Variants in ZNF439 observed in about 807,000 individuals in gnomAD.
ZNF439 encodes zinc finger protein 439.
Under a neutral mutation model 47.3 loss-of-function variants are expected in ZNF439, and 40 were observed. The observed-to-expected ratio is 0.85, with a 90% CI of 0.66 to 1.10. The LOEUF (loss-of-function observed/expected upper bound fraction) is 1.10, where lower values mean the gene tolerates loss of function less well. ZNF439 is among the 50% of genes least tolerant of loss of function. ZNF439 has a pLI of 0.00. For synonymous variants in ZNF439, 171 were observed against 198.8 expected, an observed-to-expected ratio of 0.86 and a Z score of 1.18; for missense variants, 556 against 601.1, an observed-to-expected ratio of 0.93 and a Z score of 0.78.
chr19:11,865,990 G>T, intron 1 of ZNF439: 1 of 1,371,644 alleles, frequency 7.3e-7, no homozygotes, highest in East Asian at 2.7e-5. Context: ...ACTCCAGCCT[G>T]GGCAATAAGA....
intron 1 of ZNF439, among the ~76,000 whole-genome samples, chr19:11,864,293 T>C (rs1307909918): frequency 1.3e-5 from 2 of 152,108 alleles, no homozygotes; most frequent in African/African-American, 4.8e-5. Context: ...ATTAGGACAT[T>C]CTTCTCATTT....
At chr19:11,865,347 T>C (rs923217644) in intron 1 of ZNF439, among the ~76,000 whole-genome samples, 2 of 151,584 alleles carry the variant, frequency 1.3e-5, no homozygotes, top group Non-Finnish European at 2.9e-5. Context: ...CTAGCTACAT[T>C]CTGACAGGAT....
At chr19:11,863,450 A>G (rs1976593580) in intron 1 of ZNF439, among the ~76,000 whole-genome samples, 2 of 152,054 alleles carry the variant, frequency 1.3e-5, no homozygotes, top group Non-Finnish European at 2.9e-5. Context: ...ATGAGCCACC[A>G]TGCCCGGCCT....
In ZNF439 at chr19:11,868,244, C is replaced by G; in HGVS notation, c.1190C>G (p.Thr397Ser). ...TGCAAGCAATGTGGTAAAGCCTTCA[C>G]TCGTTCCGGTTCCTTTCGATATCAT... is the stretch of plus-strand genomic sequence containing the variant. ...YKCKQCGKAFTRSGSFRYHER... is the reference protein window; with the variant it reads ...YKCKQCGKAFSRSGSFRYHER... Residue 397 changes from threonine (T) to serine (S), a missense_variant, in exon 4 of 4, where the codon ACT becomes AGT. Transcript: ENST00000682736. 5 of 1,613,122 alleles carry G rather than the reference C, an allele frequency of 3.1e-6. No homozygotes were observed. The highest frequency in any genetic ancestry group is 4.2e-6 in the Non-Finnish European group (5 of 1,179,748).
At chr19:11,856,059 T>C (rs900584196) in intron 1 of ZNF439, 5 of 152,268 alleles carry the variant, frequency 3.3e-5, no homozygotes, top group Non-Finnish European at 5.9e-5. Context: ...CCCATGTCAG[T>C]AAATCCACCG....
intron 1 of ZNF439, among the ~76,000 whole-genome samples, chr19:11,855,794 C>T (rs1199690525): frequency 6.6e-6 from 1 of 152,226 alleles, no homozygotes; most frequent in Non-Finnish European, 1.5e-5. Context: ...CCTGACGCTC[C>T]AGTAGTTTCT....
chr19:11,865,991 G>T, intron 1 of ZNF439: 1 of 1,373,590 alleles, frequency 7.3e-7, no homozygotes, highest in Non-Finnish European at 9.4e-7. Context: ...CTCCAGCCTG[G>T]GCAATAAGAG....
At chr19:11,865,541 G>T (rs551975191) in intron 1 of ZNF439, among the ~76,000 whole-genome samples, 42 of 150,416 alleles carry the variant, frequency 2.8e-4, no homozygotes, top group Non-Finnish European at 5.0e-4. Flanking sequence ...TGTCATCAAA[G>T]ATTACACTTT....
chr19:11,864,643 A>C (rs923815612), intron 1 of ZNF439, among the ~76,000 whole-genome samples: 8 of 152,096 alleles, frequency 5.3e-5, no homozygotes, highest in African/African-American at 1.7e-4. Context: ...AAAACTTAAA[A>C]ATTATCAGCT....
In ZNF439 at chr19:11,866,604, T is replaced by G; in HGVS notation, c.251+7T>G. 6.2e-7 allele frequency: 1 copy of G among 1,612,620 alleles called. No homozygotes were observed. The highest frequency in any genetic ancestry group is 8.5e-7 in the Non-Finnish European group (1 of 1,178,786). ...ACCCCAGGAGAAACTTCAGGTAATT[T>G]GCACTTATAAGAGAAAGCAGTGTCT... On this transcript the variant is annotated splice_region_variant and intron_variant, in intron 3 of 3. Transcript: ENST00000682736.
Position 11,851,953 on chromosome 19 carries a change from C to A in ZNF439, c.63+3023C>A, listed in dbSNP as rs367942050. On this transcript the variant is annotated intron_variant, in intron 1 of 3. Transcript: ENST00000682736. ...GTTAGCCAGTGCACCTGGCTAACAA[C>A]TTAATTTGTTATCGTTTGCTTTTTT... 2.0e-5 allele frequency among the ~76,000 whole-genome samples: 3 copies of A among 152,280 alleles called. No individual in the cohort carries two copies. In the East Asian group the frequency reaches 5.8e-4, roughly 29 times the overall value.
intron 1 of ZNF439, among the ~76,000 whole-genome samples, chr19:11,860,600 C>T (rs536328519): frequency 6.6e-6 from 1 of 152,096 alleles, no homozygotes; most frequent in East Asian, 1.9e-4. Flanking sequence ...GGAGGACGAA[C>T]GCGGGAATAA....
At chr19:11,852,666 T>C (rs1976281523) in intron 1 of ZNF439, among the ~76,000 whole-genome samples, 2 of 151,980 alleles carry the variant, frequency 1.3e-5, no homozygotes, top group South Asian at 4.2e-4. Context: ...CATGCCACCA[T>C]ACTCGGCTAA....
intron 1 of ZNF439, among the ~76,000 whole-genome samples, chr19:11,860,510 C>T (rs887259117): frequency 3.9e-5 from 6 of 152,176 alleles, no homozygotes; most frequent in African/African-American, 1.4e-4. Flanking sequence ...TCCTCTGCTC[C>T]AGCAAGCTTT....
chr19:11,857,822 G>C (rs1370271341), intron 1 of ZNF439: 1 of 152,164 alleles, frequency 6.6e-6, no homozygotes, highest in Non-Finnish European at 1.5e-5. Flanking sequence ...AGTAACAATA[G>C]TGCCTAAGTA....
intron 1 of ZNF439, among the ~76,000 whole-genome samples, chr19:11,862,398 A>G (rs1002631967): frequency 6.6e-6 from 1 of 151,852 alleles, no homozygotes; most frequent in African/African-American, 2.4e-5. Flanking sequence ...CCTGGTAGAT[A>G]CAGTGTGAGA....
chr19:11,856,521 A>G (rs955854522), intron 1 of ZNF439: 1 of 152,246 alleles, frequency 6.6e-6, no homozygotes, highest in African/African-American at 2.4e-5. Flanking sequence ...ATATGAGATT[A>G]AGTGTCTATA....
At chr19:11,859,321 G>T (rs1445908638) in intron 1 of ZNF439, among the ~76,000 whole-genome samples, 1 of 152,286 alleles carries the variant, frequency 6.6e-6, no homozygotes, top group East Asian at 1.9e-4. Flanking sequence ...GCAGCGTCTG[G>T]GAGTGCCATT....
At chr19:11,859,361 A>G (rs1453098038) in intron 1 of ZNF439, among the ~76,000 whole-genome samples, 1 of 152,160 alleles carries the variant, frequency 6.6e-6, no homozygotes, top group East Asian at 1.9e-4. Context: ...AAGGGCCATT[A>G]CCCAACAGCA....
Sources: gnomAD v4.1 joint callset for allele counts (sites outside exome capture counted in the v4.1 genomes callset) on GRCh38, gnomAD v4.1.1 for gene constraint, MANE v1.5 for transcripts, NCBI Gene and HGNC (gene_info 2026-07-23, HGNC 2026-07-21) for gene names.